The following ZSWIM5 variants were observed in gnomAD, a reference collection of about 807,000 sequenced individuals.
ZSWIM5 encodes the protein zinc finger SWIM-type containing 5, also known as zinc finger SWIM domain-containing protein 5.
Under a neutral mutation model 119.6 loss-of-function variants are expected in ZSWIM5, and 55 were observed. That is an observed-to-expected ratio of 0.46 (90% CI 0.37 to 0.58). The LOEUF is 0.58. Ranked by LOEUF, ZSWIM5 falls within the 20% of genes least tolerant of loss-of-function variation. ZSWIM5 has a pLI of 0.00. For missense variants in ZSWIM5, 1,193 were observed against 1,512.8 expected (o/e 0.79, Z 3.51); for synonymous variants, 537 against 606.9 (o/e 0.88, Z 1.69).
chr1:45,045,469 C>A (rs1037086434), intron 5 of ZSWIM5, among the ~76,000 whole-genome samples: 4 of 152,162 alleles, frequency 2.6e-5, no homozygotes, highest in Non-Finnish European at 4.4e-5. Flanking sequence ...GGAATCTGGT[C>A]ATTTCTTTAG....
intron 11 of ZSWIM5, 130 bp from the exon 12 acceptor site, chr1:45,020,918 T>TGAA: frequency 9.0e-7 from 1 of 1,110,396 alleles, no homozygotes; most frequent in African/African-American, 1.6e-5. Context: ...CCGCCCCTTC[T>TGAA]GGGTTATCGA....
intron 1 of ZSWIM5, among the ~76,000 whole-genome samples, chr1:45,161,882 T>C (rs1645865585): frequency 6.6e-6 from 1 of 152,124 alleles, no homozygotes; most frequent in South Asian, 2.1e-4. Flanking sequence ...AAACAGTAAA[T>C]CCACACTGCT....
chr1:45,190,199 C>A (rs1329599710), intron 1 of ZSWIM5, among the ~76,000 whole-genome samples: 2 of 152,100 alleles, frequency 1.3e-5, no homozygotes, highest in Non-Finnish European at 2.9e-5. Context: ...GTGGTGCGTG[C>A]CTATAGTCCC....
At chr1:45,071,481 G>A (rs1253112417) in intron 2 of ZSWIM5, among the ~76,000 whole-genome samples, 1 of 110,352 alleles carries the variant, frequency 9.1e-6, no homozygotes, top group Non-Finnish European at 1.8e-5. Context: ...TTTGAGATAG[G>A]GTCTCACTCT....
chr1:45,164,904 C>A (rs1348099772), intron 1 of ZSWIM5, among the ~76,000 whole-genome samples: 1 of 152,054 alleles, frequency 6.6e-6, no homozygotes, highest in Non-Finnish European at 1.5e-5. Flanking sequence ...TTAGACAGAT[C>A]AACGAGACAG....
intron 1 of ZSWIM5, among the ~76,000 whole-genome samples, chr1:45,108,086 C>T (rs2149021851): frequency 6.6e-6 from 1 of 152,152 alleles, no homozygotes; most frequent in African/African-American, 2.4e-5. Context: ...ATGTGTGAGC[C>T]ACTGTGCTGA....
chr1:45,095,253 G>A (rs1320663258), intron 1 of ZSWIM5, among the ~76,000 whole-genome samples: 1 of 151,832 alleles, frequency 6.6e-6, no homozygotes, highest in South Asian at 2.1e-4. Flanking sequence ...TCAGCCTCCT[G>A]AAAAGTTGGA....
At chr1:45,095,381 C>T (rs1645394950) in intron 1 of ZSWIM5, among the ~76,000 whole-genome samples, 1 of 152,146 alleles carries the variant, frequency 6.6e-6, no homozygotes, top group African/African-American at 2.4e-5. Context: ...CTGCCTCAGC[C>T]TCCCAAAGTC....
At chr1:45,042,083 G>A (rs747516498) in intron 6 of ZSWIM5, among the ~76,000 whole-genome samples, 3 of 152,076 alleles carry the variant, frequency 2.0e-5, no homozygotes, top group Non-Finnish European at 4.4e-5. Flanking sequence ...ATGCTGTAAT[G>A]AGCCCCTTAG....
Position 45,035,807 on chromosome 1 carries a change from A to G in ZSWIM5, c.2172T>C (p.Gly724=). ...ILLLEGGPFS[G]LGEVIHRESV... is the part of the protein sequence containing the mutation. ...TCTCTCGGTGGATGACTTCTCCCAG[A>G]CCGCTGAAAGGACCTCCTGGAGGAA... The change falls in exon 10 of 14, where the codon GGT becomes GGC. Residue 724 remains glycine, a synonymous_variant. Coordinates refer to ENST00000359600, the MANE Select transcript of ZSWIM5 (RefSeq NM_020883.2). 6.2e-7 allele frequency: 1 copy of G among 1,613,398 alleles called. No individual in the cohort carries two copies. The highest frequency in any genetic ancestry group is 8.5e-7 in the Non-Finnish European group (1 of 1,179,916).
intron 1 of ZSWIM5, among the ~76,000 whole-genome samples, chr1:45,156,008 C>G (rs1002012828): frequency 6.6e-6 from 1 of 151,732 alleles, no homozygotes; most frequent in African/African-American, 2.4e-5. Context: ...TAATCAAATA[C>G]CATCTGTTCC....
At chr1:45,074,922 T>A (rs1414172780) in intron 2 of ZSWIM5, among the ~76,000 whole-genome samples, 1 of 151,956 alleles carries the variant, frequency 6.6e-6, no homozygotes, top group African/African-American at 2.4e-5. Flanking sequence ...GTTTCCATTA[T>A]CATTGGTTTT....
intron 1 of ZSWIM5, among the ~76,000 whole-genome samples, chr1:45,185,750 A>G (rs1170738594): frequency 3.9e-5 from 6 of 152,228 alleles, no homozygotes; most frequent in Non-Finnish European, 7.3e-5. Flanking sequence ...GTCAGGAAAC[A>G]ACGGGTGCTG....
Position 45,058,600 on chromosome 1 carries a change from G to A in ZSWIM5, c.1252+9C>T, listed in dbSNP as rs1445550120. The stretch of plus-strand genomic sequence containing the variant: ...GAACAAAGCACTTCTCTGAATGATG[G>A]GAACTTACCTAGCTCATCCCAGAGC... On this transcript the variant is annotated intron_variant, in intron 4 of 13. Transcript: ENST00000359600. 6.2e-7 allele frequency: 1 copy of A among 1,614,118 alleles called. No homozygotes were observed. Among genetic ancestry groups the A allele is most frequent in the Non-Finnish European group, 8.5e-7 (1 of 1,180,002 alleles).
chr1:45,168,646 C>G, intron 1 of ZSWIM5, among the ~76,000 whole-genome samples: 1 of 115,156 alleles, frequency 8.7e-6, no homozygotes. Flanking sequence ...GCCTGGGCGA[C>G]AGAGTGAGAC....
intron 1 of ZSWIM5, among the ~76,000 whole-genome samples, chr1:45,191,218 C>A (rs959188968): frequency 6.6e-6 from 1 of 152,018 alleles, no homozygotes; most frequent in African/African-American, 2.4e-5. Context: ...CAGGCGTGAG[C>A]CACCGCGCCC....
chr1:45,073,416 G>A (rs1050996447), intron 2 of ZSWIM5, among the ~76,000 whole-genome samples: 10 of 150,976 alleles, frequency 6.6e-5, no homozygotes, highest in Non-Finnish European at 4.4e-5. Context: ...CCACCATCAC[G>A]CCTGGGTAAT....
At chr1:45,041,301 A>G (rs971958316) in intron 6 of ZSWIM5, among the ~76,000 whole-genome samples, 1 of 152,200 alleles carries the variant, frequency 6.6e-6, no homozygotes, top group African/African-American at 2.4e-5. Flanking sequence ...TGTGAATGCC[A>G]TTCTATGGAG....
chr1:45,034,234 T>A (rs779725674), intron 11 of ZSWIM5, 78 bp downstream of exon 11: 6 of 1,465,390 alleles, frequency 4.1e-6, no homozygotes, highest in Non-Finnish European at 5.5e-6. Context: ...CTCAGGAGAC[T>A]GCAGGCCAAG....
Sources: gnomAD v4.1 joint callset for allele counts (sites outside exome capture counted in the v4.1 genomes callset) on GRCh38, gnomAD v4.1.1 for gene constraint, MANE v1.5 for transcripts, NCBI Gene and HGNC (gene_info 2026-07-23, HGNC 2026-07-21) for gene names.